NBEA: variants seen among roughly 807,000 people sequenced by gnomAD.
NBEA encodes the protein neurobeachin, also known as lysosomal-trafficking regulator 2.
Under a neutral mutation model 343.4 loss-of-function variants are expected in NBEA, and 44 were observed. The observed-to-expected ratio is 0.13, with a 90% CI of 0.10 to 0.16. The LOEUF (loss-of-function observed/expected upper bound fraction) is 0.16, where lower values mean the gene tolerates loss of function less well. Ranked by LOEUF, NBEA falls within the 10% of genes least tolerant of loss-of-function variation. NBEA has a pLI of 1.00. For missense variants in NBEA, 2,555 were observed against 3,631.3 expected (o/e 0.70, Z 7.62); for synonymous variants, 1,175 against 1,238.7 (o/e 0.95, Z 1.08).
chr13:35,567,712 C>G (rs973202699), intron 45 of NBEA, among the ~76,000 whole-genome samples: 1 of 152,174 alleles, frequency 6.6e-6, no homozygotes, highest in African/African-American at 2.4e-5. Flanking sequence ...TGGAATGTAT[C>G]TCTGTTTTCT....
chr13:35,498,411 T>C (rs1013172432), intron 41 of NBEA, among the ~76,000 whole-genome samples: 1 of 152,080 alleles, frequency 6.6e-6, no homozygotes, highest in Non-Finnish European at 1.5e-5. Flanking sequence ...CTGGCATTGA[T>C]GACTGATGGA....
Position 35,105,608 on chromosome 13 carries a change from G to C in NBEA, c.1681-3682G>C, listed in dbSNP as rs113438142. On this transcript the variant is annotated intron_variant, in intron 11 of 58. Coordinates refer to ENST00000379939, the MANE Select transcript of NBEA (RefSeq NM_001385012.1). ...AATTTGATTGGTTAGCTTAGAGCTT[G>C]GCTAGCCTACCTTTGAACCAGTTGT... is the stretch of plus-strand genomic sequence containing the variant. Among the ~76,000 whole-genome samples, 61 of 152,080 alleles carry C rather than the reference G, an allele frequency of 4.0e-4. 1 individual carries two copies. The highest frequency in any genetic ancestry group is 1.3e-3 in the African/African-American group (56 of 41,510).
intron 49 of NBEA, 137 bp downstream of exon 49, chr13:35,628,385 G>A: frequency 1.5e-6 from 1 of 656,138 alleles, no homozygotes; most frequent in Non-Finnish European, 2.4e-6. Flanking sequence ...TGACATATGT[G>A]GAAAAATTGA....
intron 41 of NBEA, among the ~76,000 whole-genome samples, chr13:35,496,117 T>C (rs1282555430): frequency 2.6e-5 from 4 of 151,974 alleles, no homozygotes; most frequent in Non-Finnish European, 5.9e-5. Context: ...ATATTATAAC[T>C]GTACTTTTCA....
In NBEA at chr13:35,255,292, G is replaced by T. The variant is rs1029294692; in HGVS notation, c.5776+22673G>T. Among the ~76,000 whole-genome samples the T allele has an allele frequency of 9.9e-5, 15 of 152,164 alleles. 1 individual carries two copies. The East Asian group carries it at 2.9e-3, about 29-fold the overall frequency. ...CGTGATATTGTCATGGGATCCTTGG[G>T]GTGTCACTTTGCCAGCCAGAAACCT... is the stretch of plus-strand genomic sequence containing the variant. On this transcript the variant is annotated intron_variant, in intron 34 of 58. Transcript: ENST00000379939.
intron 10 of NBEA, among the ~76,000 whole-genome samples, chr13:35,084,928 T>A (rs1280415722): frequency 2.6e-5 from 4 of 151,724 alleles, no homozygotes; most frequent in East Asian, 1.9e-4. Context: ...AGAAATACAA[T>A]CTACCATCAG....
At chr13:35,276,375 C>T (rs1372030741) in intron 34 of NBEA, among the ~76,000 whole-genome samples, 1 of 152,018 alleles carries the variant, frequency 6.6e-6, no homozygotes, top group African/African-American at 2.4e-5. Context: ...CAAATCAAGA[C>T]ATTTGGGTGC....
At chr13:35,535,281 A>C (rs2078480382) in intron 41 of NBEA, among the ~76,000 whole-genome samples, 2 of 152,210 alleles carry the variant, frequency 1.3e-5, no homozygotes, top group South Asian at 2.1e-4. Context: ...TAGTTGAAGC[A>C]TGAAGGTGCT....
intron 37 of NBEA, among the ~76,000 whole-genome samples, chr13:35,350,727 GAT>G (rs1491171098): frequency 1.5e-4 from 17 of 110,898 alleles, no homozygotes; most frequent in African/African-American, 5.4e-4. Context: ...TAGAGCTATT[GAT>G]GTGTGTGTGT....
At chr13:35,663,396 C>T (rs2085197827) in intron 55 of NBEA, among the ~76,000 whole-genome samples, 1 of 152,240 alleles carries the variant, frequency 6.6e-6, no homozygotes, top group Non-Finnish European at 1.5e-5. Context: ...GCTAATTTCA[C>T]TTAACCTCAT....
chr13:34,964,139 C>T (rs1441650925), intron 1 of NBEA, among the ~76,000 whole-genome samples: 2 of 151,922 alleles, frequency 1.3e-5, no homozygotes, highest in Non-Finnish European at 2.9e-5. Flanking sequence ...GCAACTGTCT[C>T]GAATCCAAGC....
chr13:35,020,111 T>C (rs1486205201), intron 1 of NBEA, among the ~76,000 whole-genome samples: 1 of 152,142 alleles, frequency 6.6e-6, no homozygotes, highest in Non-Finnish European at 1.5e-5. Flanking sequence ...GGTCATTGAA[T>C]TGAAAGCTTC....
chr13:35,617,759 A>G (rs921308003), intron 48 of NBEA, among the ~76,000 whole-genome samples: 1 of 152,110 alleles, frequency 6.6e-6, no homozygotes, highest in African/African-American at 2.4e-5. Flanking sequence ...TTCTCATCCT[A>G]CTACTAGGAA....
chr13:35,120,655 G>A (rs1345522375), intron 16 of NBEA, among the ~76,000 whole-genome samples: 1 of 149,318 alleles, frequency 6.7e-6, no homozygotes, highest in East Asian at 2.0e-4. Context: ...AATTCTGATG[G>A]TATGCTAATT....
intron 47 of NBEA, among the ~76,000 whole-genome samples, chr13:35,597,874 C>T (rs1376018523): frequency 6.6e-6 from 1 of 152,172 alleles, no homozygotes; most frequent in Non-Finnish European, 1.5e-5. Context: ...ACACGGACTC[C>T]ACTTCCTGAT....
chr13:35,184,139 T>C (rs1365305587), intron 30 of NBEA, 68 bp downstream of exon 30: 1 of 1,141,220 alleles, frequency 8.8e-7, no homozygotes, highest in Non-Finnish European at 1.3e-6. Context: ...AAAATAAATA[T>C]TCATGATATA....
intron 16 of NBEA, among the ~76,000 whole-genome samples, chr13:35,119,577 T>TA (rs1192080369): frequency 6.6e-6 from 1 of 152,110 alleles, no homozygotes; most frequent in Admixed American, 6.6e-5. Context: ...TAACAACTGT[T>TA]ACAATTTTTT....
At chr13:35,457,250 T>G (rs1461971) in intron 40 of NBEA, among the ~76,000 whole-genome samples, 3,916 of 144,196 alleles carry the variant, frequency 0.027, 191 homozygotes, top group African/African-American at 0.092. Context: ...TGTGTTAGCA[T>G]TTTTTTTTGG....
At position 35,070,699 on chromosome 13, in the gene NBEA, A is replaced by G; in HGVS notation, c.1438-20A>G. On this transcript the variant is annotated intron_variant, in intron 9 of 58. Transcript: ENST00000379939. ...ATCATTCTATAGAAGTTTAATAAACATTTTTGTTTTTGGACATAGGATGTG... is the reference window on the plus strand; with the variant it reads ...ATCATTCTATAGAAGTTTAATAAACGTTTTTGTTTTTGGACATAGGATGTG... 6.4e-7 allele frequency: 1 copy of G among 1,560,040 alleles called. No homozygotes were observed. Among genetic ancestry groups the G allele is most frequent in the Non-Finnish European group, 8.8e-7 (1 of 1,142,328 alleles).
Sources: allele counts gnomAD v4.1 joint callset (sites outside exome capture counted in the v4.1 genomes callset), GRCh38; gene constraint gnomAD v4.1.1; transcripts MANE v1.5; gene names NCBI Gene and HGNC (gene_info 2026-07-23, HGNC 2026-07-21).